TRAM2: variants seen among roughly 807,000 people sequenced by gnomAD.
TRAM2 encodes the protein translocating chain-associated membrane protein 2.
In TRAM2, 12 loss-of-function variants were observed where a neutral mutation model predicts 51.0. The observed-to-expected ratio is 0.24, with a 90% confidence interval of 0.15 to 0.38. The LOEUF is 0.38. Ranked by LOEUF, TRAM2 falls within the 10% of genes least tolerant of loss-of-function variation. The pLI is 1.00. For missense variants in TRAM2, 361 were observed against 462.0 expected (o/e 0.78, Z 2.00); for synonymous variants, 175 against 179.4 (o/e 0.98, Z 0.20).
chr6:52,506,207 G>A (rs1766347335), intron 7 of TRAM2, 71 bp from the exon 8 acceptor site: 2 of 1,421,242 alleles, frequency 1.4e-6, no homozygotes, highest in African/African-American at 1.4e-5. Flanking sequence ...TTGCATCTTG[G>A]CTCAGGCTGT....
chr6:52,564,438 G>C (rs934711558), intron 1 of TRAM2, among the ~76,000 whole-genome samples: 1 of 152,068 alleles, frequency 6.6e-6, no homozygotes, highest in Non-Finnish European at 1.5e-5. Flanking sequence ...AGCCCACTCT[G>C]GCAATACAGA....
chr6:52,559,272 G>A (rs114416081), intron 1 of TRAM2, among the ~76,000 whole-genome samples: 1 of 152,080 alleles, frequency 6.6e-6, no homozygotes, highest in Non-Finnish European at 1.5e-5. Flanking sequence ...CAGACGCGAC[G>A]GATTACTTGG....
At chr6:52,557,193 A>AAAAAAAAAAAAC (rs1461744663) in intron 1 of TRAM2, among the ~76,000 whole-genome samples, 1 of 121,026 alleles carries the variant, frequency 8.3e-6, no homozygotes, top group African/African-American at 2.6e-5. Flanking sequence ...ACTCTGTCTC[A>AAAAAAAAAAAAC]AAAAAAAAAG....
Position 52,576,926 on chromosome 6 carries a change from GCGCAGCGGCCGGCGGGGCC to G in TRAM2, c.-30_-12del, listed in dbSNP as rs766110776. ...CCTGCGGAAAGCCATGGCAGCGGGC[GCGCAGCGGCCGGCGGGGCC>G]CGCACCCTGCGCTCACGAACCGCAG... On this transcript the variant is annotated 5_prime_UTR_variant, in exon 1 of 11. Coordinates refer to ENST00000182527, the MANE Select transcript of TRAM2 (RefSeq NM_012288.4). 47 of 1,607,268 alleles carry G rather than the reference GCGCAGCGGCCGGCGGGGCC, an allele frequency of 2.9e-5. No individual in the cohort carries two copies. The highest frequency in any genetic ancestry group is 4.0e-5 in the Non-Finnish European group (47 of 1,177,318).
chr6:52,519,096 C>T lies in TRAM2; in HGVS notation c.185-2359G>A, dbSNP rs148680646. On this transcript the variant is annotated intron_variant, in intron 2 of 10. Coordinates refer to ENST00000182527, the MANE Select transcript of TRAM2 (RefSeq NM_012288.4). ...ATAAACACAGACTCGTGTTCCTCTGCTGTTGAGACCTGCGCACATGCATCC... is the reference window on the plus strand; with the variant it reads ...ATAAACACAGACTCGTGTTCCTCTGTTGTTGAGACCTGCGCACATGCATCC... Among the ~76,000 whole-genome samples, 11 of 152,354 alleles carry T rather than the reference C, an allele frequency of 7.2e-5. No individual in the cohort carries two copies. In the East Asian group the frequency reaches 2.1e-3, roughly 29 times the overall value.
chr6:52,503,572 A>G (rs940859502), intron 10 of TRAM2, among the ~76,000 whole-genome samples: 7 of 152,162 alleles, frequency 4.6e-5, no homozygotes, highest in Non-Finnish European at 1.0e-4. Flanking sequence ...AACAGAGGCC[A>G]GCCTGCCCAA....
At chr6:52,555,924 A>G (rs1292120192) in intron 1 of TRAM2, among the ~76,000 whole-genome samples, 1 of 152,362 alleles carries the variant, frequency 6.6e-6, no homozygotes, top group East Asian at 1.9e-4. Flanking sequence ...TTACACAGAA[A>G]AGAAAGTCCT....
intron 4 of TRAM2, among the ~76,000 whole-genome samples, chr6:52,512,111 T>C (rs1479745106): frequency 2.6e-5 from 4 of 152,100 alleles, no homozygotes; most frequent in African/African-American, 4.8e-5. Flanking sequence ...TGTCTCTTCC[T>C]AGAGGAAGCA....
intron 3 of TRAM2, 51 bp from the exon 4 acceptor site, chr6:52,516,173 G>T: frequency 6.5e-7 from 1 of 1,545,860 alleles, no homozygotes; most frequent in South Asian, 1.1e-5. Flanking sequence ...TATCCATATT[G>T]GGCAGGTTTC....
intron 1 of TRAM2, among the ~76,000 whole-genome samples, chr6:52,562,307 C>T (rs1182151017): frequency 6.6e-6 from 1 of 152,064 alleles, no homozygotes; most frequent in African/African-American, 2.4e-5. Context: ...AAGGGAAGCA[C>T]AGGGAGAAAG....
intron 7 of TRAM2, among the ~76,000 whole-genome samples, 154 bp downstream of exon 7, chr6:52,507,398 GA>G (rs1420223407): frequency 6.6e-6 from 1 of 152,188 alleles, no homozygotes; most frequent in East Asian, 1.9e-4. Context: ...TGAAGATAAA[GA>G]ATCTTCCATT....
At chr6:52,514,769 G>A (rs1195642438) in intron 4 of TRAM2, among the ~76,000 whole-genome samples, 1 of 152,206 alleles carries the variant, frequency 6.6e-6, no homozygotes, top group Admixed American at 6.5e-5. Context: ...CTTCAAAGCA[G>A]CTTAGGCCTC....
At chr6:52,524,796 G>T in intron 2 of TRAM2, 1 of 152,048 alleles carries the variant, frequency 6.6e-6, no homozygotes, top group Admixed American at 6.5e-5. Flanking sequence ...GGCATGAAAA[G>T]ACCTGGAGCT....
chr6:52,513,664 C>G (rs1248751739), intron 4 of TRAM2, among the ~76,000 whole-genome samples: 2 of 152,150 alleles, frequency 1.3e-5, no homozygotes, highest in Non-Finnish European at 2.9e-5. Flanking sequence ...GGATGCAGAA[C>G]AGCCAGGCCA....
At position 52,576,804 on chromosome 6, in the gene TRAM2, T is replaced by C. The variant is rs767626471; in HGVS notation, c.112A>G (p.Met38Val). The C allele has an allele frequency of 1.9e-6, 3 of 1,613,172 alleles. No individual in the cohort carries two copies. The highest frequency in any genetic ancestry group is 2.5e-6 in the Non-Finnish European group (3 of 1,179,480). ...CLVLCVLIGL[M>V]FEVTAKTAFL... The stretch of plus-strand genomic sequence containing the variant: ...CCTCCCCAGGCTCTCACCTCGAACA[T>C]AAGCCCGATGAGGACGCAGAGCACC... The change falls in exon 1 of 11, where the codon ATG (methionine) becomes GTG (valine). Residue 38 changes from methionine (M) to valine (V), a missense_variant. By Grantham distance (21) the Met-to-Val change is conservative. Coordinates refer to ENST00000182527, the MANE Select transcript of TRAM2 (RefSeq NM_012288.4).
intron 9 of TRAM2, among the ~76,000 whole-genome samples, 166 bp from the exon 10 acceptor site, chr6:52,504,920 G>A (rs1766318240): frequency 6.6e-6 from 1 of 152,236 alleles, no homozygotes; most frequent in African/African-American, 2.4e-5. Flanking sequence ...CAGGAAGAAT[G>A]TGTGCTTCAG....
At chr6:52,507,483 A>T in intron 7 of TRAM2, 70 bp downstream of exon 7, 2 of 1,483,938 alleles carry the variant, frequency 1.3e-6, no homozygotes, top group South Asian at 1.2e-5. Flanking sequence ...TGATAATTAT[A>T]TGAGTGTGTG....
chr6:52,526,199 A>G (rs1766778495), intron 2 of TRAM2, among the ~76,000 whole-genome samples: 1 of 135,514 alleles, frequency 7.4e-6, no homozygotes, highest in Non-Finnish European at 1.6e-5. Context: ...ACACACACAC[A>G]CACACACACG....
chr6:52,514,967 T>C (rs1331051724), intron 4 of TRAM2, among the ~76,000 whole-genome samples: 1 of 152,170 alleles, frequency 6.6e-6, no homozygotes, highest in Non-Finnish European at 1.5e-5. Flanking sequence ...TTCCTAGTAT[T>C]CTGCTTAGGA....
Sources: allele counts gnomAD v4.1 joint callset (sites outside exome capture counted in the v4.1 genomes callset), GRCh38; gene constraint gnomAD v4.1.1; transcripts MANE v1.5; gene names NCBI Gene and HGNC (gene_info 2026-07-23, HGNC 2026-07-21).